The following PEX7 variants were observed in gnomAD, a reference collection of about 807,000 sequenced individuals.
PEX7 encodes peroxisomal biogenesis factor 7.
A neutral mutation model predicts 47.5 loss-of-function variants in PEX7; 34 were observed. That is an observed-to-expected ratio of 0.72 (90% CI 0.54 to 0.95). PEX7 has a LOEUF of 0.95. Ranked by LOEUF, PEX7 falls within the 40% of genes least tolerant of loss-of-function variation. The pLI, the probability that PEX7 is intolerant of heterozygous loss-of-function variation, is 0.00. For missense variants in PEX7, 394 were observed against 400.3 expected, an observed-to-expected ratio of 0.98 and a Z score of 0.13; for synonymous variants, 141 against 148.8, an observed-to-expected ratio of 0.95 and a Z score of 0.38.
chr6:136,889,743 C>A (rs998689677), intron 8 of PEX7, among the ~76,000 whole-genome samples: 3 of 152,094 alleles, frequency 2.0e-5, no homozygotes, highest in African/African-American at 7.2e-5. Flanking sequence ...AATAAATGAG[C>A]TCCATGAGCA....
At chr6:136,867,186 T>C (rs963592415) in intron 6 of PEX7, among the ~76,000 whole-genome samples, 1 of 152,220 alleles carries the variant, frequency 6.6e-6, no homozygotes. Flanking sequence ...CATGCCTCTG[T>C]AAGATAAGTG....
At chr6:136,872,129 T>C in intron 7 of PEX7, 69 bp from the exon 8 acceptor site, 1 of 1,253,472 alleles carries the variant, frequency 8.0e-7, no homozygotes. Flanking sequence ...TATGGAATGA[T>C]CATAGAAAGC....
intron 5 of PEX7, among the ~76,000 whole-genome samples, chr6:136,862,155 C>T (rs917882195): frequency 1.3e-5 from 2 of 150,096 alleles, no homozygotes; most frequent in Admixed American, 6.7e-5. Context: ...CAACCTCCAC[C>T]CCTGGGGTTC....
At position 136,913,550 on chromosome 6, in the gene PEX7, A is replaced by G; in HGVS notation, c.*24A>G. 6.6e-7 allele frequency: 1 copy of G among 1,508,096 alleles called. No homozygotes were observed. Among genetic ancestry groups the G allele is most frequent in the African/African-American group, 1.4e-5 (1 of 72,952 alleles). 93.4% of individuals were successfully genotyped at this position (1,508,096 alleles called of 1,614,324 possible). On this transcript the variant is annotated 3_prime_UTR_variant, in exon 10 of 10. Coordinates refer to ENST00000318471, the MANE Select transcript of PEX7 (RefSeq NM_000288.4). ...GAGATACACTACTTTGGTCAGAAAC[A>G]GAGGATGTTGGCTGAAGAACTGCCT...
At chr6:136,838,368 G>A (rs1205203741) in intron 3 of PEX7, among the ~76,000 whole-genome samples, 1 of 152,152 alleles carries the variant, frequency 6.6e-6, no homozygotes, top group African/African-American at 2.4e-5. Flanking sequence ...TAATCCAGAA[G>A]GCAAGACATT....
At chr6:136,879,470 G>A (rs188978753) in intron 8 of PEX7, among the ~76,000 whole-genome samples, 69 of 152,038 alleles carry the variant, frequency 4.5e-4, no homozygotes, top group African/African-American at 1.5e-3. Context: ...TTTCTATGTC[G>A]TTTTTGAGAA....
chr6:136,854,278 C>T (rs961193542), intron 5 of PEX7, among the ~76,000 whole-genome samples: 1 of 152,070 alleles, frequency 6.6e-6, no homozygotes, highest in African/African-American at 2.4e-5. Context: ...CTCACTGCAA[C>T]CTCCGCCTCC....
rs71009515 is a variant in PEX7, at chr6:136,850,998, ATT to A, written c.526+4830_526+4831del. ...TTTTTTTATTTTTTTTTTATTTTTA[ATT>A]TTTTTTTTTTTTATTATACTCTAAG... On this transcript the variant is annotated intron_variant, in intron 5 of 9. Coordinates refer to ENST00000318471, the MANE Select transcript of PEX7 (RefSeq NM_000288.4). 5.7e-5 allele frequency among the ~76,000 whole-genome samples: 5 copies of A among 87,272 alleles called. No individual in the cohort carries two copies. In the South Asian group the frequency reaches 1.3e-3, roughly 22 times the overall value. 57.3% of individuals were successfully genotyped at this position (87,272 alleles called of 152,430 possible).
In PEX7 at chr6:136,822,650, G is replaced by A; in HGVS notation, c.-16G>A. The A allele has an allele frequency of 1.3e-6, 2 of 1,522,696 alleles. No individual in the cohort carries two copies. Among genetic ancestry groups the A allele is most frequent in the Non-Finnish European group, 1.8e-6 (2 of 1,139,482 alleles). The allele number at this position is 1,522,696 out of a possible 1,614,324, so 94.3% of individuals were successfully genotyped here. On this transcript the variant is annotated 5_prime_UTR_variant, in exon 1 of 10. Coordinates refer to ENST00000318471, the MANE Select transcript of PEX7 (RefSeq NM_000288.4). The stretch of plus-strand genomic sequence containing the variant: ...TTCCGCGGCCGGGGCAGCGAGGGCC[G>A]GGGGCGGCGGGCGGGATGAGTGCGG...
intron 8 of PEX7, among the ~76,000 whole-genome samples, chr6:136,881,114 A>G (rs1054302521): frequency 3.3e-5 from 5 of 152,240 alleles, no homozygotes; most frequent in African/African-American, 9.6e-5. Context: ...AATTCAGTCC[A>G]TAAGAATGAA....
chr6:136,838,074 G>A (rs1582740188), intron 3 of PEX7, among the ~76,000 whole-genome samples: 2 of 152,278 alleles, frequency 1.3e-5, no homozygotes, highest in Admixed American at 1.3e-4. Context: ...AATGCAGAAG[G>A]AATAACAGAA....
chr6:136,892,178 T>C (rs1775567288), intron 8 of PEX7, among the ~76,000 whole-genome samples: 1 of 152,206 alleles, frequency 6.6e-6, no homozygotes, highest in African/African-American at 2.4e-5. Flanking sequence ...AGATGTATTC[T>C]GGCTCATAAT....
rs557865802 is a variant in PEX7, at chr6:136,859,106, C to A, written c.527-7521C>A. Reference sequence around the variant, plus strand: ...TATATTTTAAGATAATATATGAGAACGTAGCATTTAGTTTGCTCCAAGAAT... The same window carrying A: ...TATATTTTAAGATAATATATGAGAAAGTAGCATTTAGTTTGCTCCAAGAAT... On this transcript the variant is annotated intron_variant, in intron 5 of 9. Coordinates refer to ENST00000318471, the MANE Select transcript of PEX7 (RefSeq NM_000288.4). Among the ~76,000 whole-genome samples, 10 of 152,260 alleles carry A rather than the reference C, an allele frequency of 6.6e-5. No individual in the cohort carries two copies. In the East Asian group the frequency reaches 1.7e-3, roughly 26 times the overall value.
chr6:136,841,088 C>T (rs1178216168), intron 3 of PEX7, among the ~76,000 whole-genome samples: 3 of 152,126 alleles, frequency 2.0e-5, no homozygotes. Context: ...AACCTCCTTT[C>T]CCCCCGTGCC....
At chr6:136,885,154 T>A (rs888644047) in intron 8 of PEX7, among the ~76,000 whole-genome samples, 1 of 152,212 alleles carries the variant, frequency 6.6e-6, no homozygotes. Flanking sequence ...AAAGCTGTTA[T>A]AATTCATAGT....
intron 8 of PEX7, among the ~76,000 whole-genome samples, chr6:136,894,508 T>G (rs1775611406): frequency 6.6e-6 from 1 of 152,154 alleles, no homozygotes; most frequent in African/African-American, 2.4e-5. Context: ...GAGAATTGCT[T>G]GAACCCGGGA....
At chr6:136,905,756 T>G (rs1181557715) in intron 9 of PEX7, among the ~76,000 whole-genome samples, 1 of 152,214 alleles carries the variant, frequency 6.6e-6, no homozygotes, top group Non-Finnish European at 1.5e-5. Flanking sequence ...TCTATGCTAG[T>G]GATACTTGCC....
intron 9 of PEX7, among the ~76,000 whole-genome samples, chr6:136,904,525 G>A (rs1231871320): frequency 6.6e-6 from 1 of 152,106 alleles, no homozygotes. Flanking sequence ...GAACCCGGTG[G>A]GAGGTGATTG....
rs61753237 is a variant in PEX7 at position 136,822,781 on chromosome 6, A to C, written c.116A>C (p.His39Pro). 7.4e-7 allele frequency: 1 copy of C among 1,358,756 alleles called. No homozygotes were observed. The highest frequency in any genetic ancestry group is 1.5e-5 in the African/African-American group (1 of 65,666). 84.2% of individuals were successfully genotyped at this position (1,358,756 alleles called of 1,614,324 possible). A position where few individuals can be genotyped will look rare whatever the true frequency, so the allele number is the denominator to read the frequency against. ...CGCCTGGCCTGCGCCACCGCGCAGCACTACGGCATCGCGGGTGAGGCGGCG... is the reference window on the plus strand; with the variant it reads ...CGCCTGGCCTGCGCCACCGCGCAGCCCTACGGCATCGCGGGTGAGGCGGCG... ...PGRLACATAQ[H>P]YGIAGCGTLL... The change falls in exon 1 of 10, where the codon CAC becomes CCC. Residue 39 changes from histidine (H) to proline (P), a missense_variant. Physicochemically the swap from His to Pro is moderately conservative, Grantham distance 77 (BLOSUM62 -2). Transcript: ENST00000318471.
Sources: gnomAD v4.1 joint callset for allele counts (sites outside exome capture counted in the v4.1 genomes callset) on GRCh38, gnomAD v4.1.1 for gene constraint, MANE v1.5 for transcripts, NCBI Gene and HGNC (gene_info 2026-07-23, HGNC 2026-07-21) for gene names.